Variants in AFAP1 observed in about 807,000 individuals in gnomAD.
AFAP1 encodes actin filament-associated protein 1.
Under a neutral mutation model 93.9 loss-of-function variants are expected in AFAP1, and 75 were observed. The ratio of observed to expected loss-of-function variants is 0.80; its 90% CI spans 0.66 to 0.97. The LOEUF (loss-of-function observed/expected upper bound fraction) is 0.97, where lower values mean the gene tolerates loss of function less well. Among genes scored for constraint, AFAP1 ranks in the 50% least tolerant of loss-of-function variants. AFAP1 has a pLI of 0.00. For synonymous variants in AFAP1, 517 were observed against 430.7 expected, an observed-to-expected ratio of 1.20 and a Z score of -2.48; for missense variants, 1,201 against 1,050.8, an observed-to-expected ratio of 1.14 and a Z score of -1.98.
chr4:7,842,886 A>C, intron 5 of AFAP1: 11 of 469,124 alleles, frequency 2.3e-5, no homozygotes, highest in East Asian at 7.8e-5. Flanking sequence ...CTGCCCGGGA[A>C]TGGGAATGAT....
chr4:7,848,807 A>G (rs1344786196), intron 4 of AFAP1, among the ~76,000 whole-genome samples: 1 of 152,202 alleles, frequency 6.6e-6, no homozygotes. Flanking sequence ...TTCACCAGAA[A>G]CTAGTTTCAT....
rs534925586 is a variant in AFAP1, at chr4:7,907,693, T to C, written c.-3+31963A>G. Reference sequence around the variant, plus strand: ...GCAGCTCAGATTTTGGATTTTTGAATTCAGGATACTCAACCAGCAAGTATA... The same window carrying C: ...GCAGCTCAGATTTTGGATTTTTGAACTCAGGATACTCAACCAGCAAGTATA... On this transcript the variant is annotated intron_variant, in intron 1 of 17. Coordinates refer to ENST00000420658, the MANE Select transcript of AFAP1 (RefSeq NM_001134647.2). Among the ~76,000 whole-genome samples the C allele has an allele frequency of 1.6e-4, 25 of 152,242 alleles. No individual in the cohort carries two copies. In the South Asian group the frequency reaches 5.2e-3, roughly 32 times the overall value.
At chr4:7,811,132 C>T (rs1032162184) in intron 8 of AFAP1, among the ~76,000 whole-genome samples, 2 of 152,176 alleles carry the variant, frequency 1.3e-5, no homozygotes, top group East Asian at 1.9e-4. Flanking sequence ...GCGAGGCGCT[C>T]GGGACACAGC....
At chr4:7,914,527 T>C (rs1204197977) in intron 1 of AFAP1, among the ~76,000 whole-genome samples, 1 of 152,168 alleles carries the variant, frequency 6.6e-6, no homozygotes, top group South Asian at 2.1e-4. Context: ...GACCACATTT[T>C]CTCTATCCAT....
intron 4 of AFAP1, among the ~76,000 whole-genome samples, chr4:7,846,243 G>T (rs1425015455): frequency 2.6e-5 from 4 of 152,212 alleles, no homozygotes; most frequent in Non-Finnish European, 5.9e-5. Context: ...TGGTTACACA[G>T]ATGGCTTCTT....
At position 7,794,899 on chromosome 4, in the gene AFAP1, GATTA is replaced by G. The variant is rs1303123138; in HGVS notation, c.1267-1077_1267-1074del. On this transcript the variant is annotated intron_variant, in intron 10 of 17. Coordinates refer to ENST00000420658, the MANE Select transcript of AFAP1 (RefSeq NM_001134647.2). ...GGTATTTGAAATCTTTAAAAATTTTGATTAATCAAATATGCAAATAATGGTTAAA... is the reference window on the plus strand; with the variant it reads ...GGTATTTGAAATCTTTAAAAATTTTGATCAAATATGCAAATAATGGTTAAA... Among the ~76,000 whole-genome samples the G allele has an allele frequency of 2.6e-5, 4 of 152,032 alleles. No individual in the cohort carries two copies. In the South Asian group the frequency reaches 6.2e-4, roughly 24 times the overall value.
At chr4:7,849,673 C>G (rs1359329819) in intron 4 of AFAP1, among the ~76,000 whole-genome samples, 1 of 152,192 alleles carries the variant, frequency 6.6e-6, no homozygotes, top group Non-Finnish European at 1.5e-5. Context: ...CTAGCGTTTT[C>G]AGACTCACAA....
At chr4:7,831,579 C>T (rs772007859) in intron 6 of AFAP1, among the ~76,000 whole-genome samples, 13 of 152,286 alleles carry the variant, frequency 8.5e-5, no homozygotes, top group Non-Finnish European at 1.8e-4. Flanking sequence ...TGTTTGTCAG[C>T]GCACTGTCGG....
At chr4:7,918,591 G>A (rs1720233551) in intron 1 of AFAP1, among the ~76,000 whole-genome samples, 1 of 142,338 alleles carries the variant, frequency 7.0e-6, no homozygotes, top group Non-Finnish European at 1.5e-5. Flanking sequence ...CCGCAAACAG[G>A]GCTGCCGGAA....
intron 6 of AFAP1, among the ~76,000 whole-genome samples, chr4:7,821,976 G>GCTTCC: frequency 6.6e-6 from 1 of 152,232 alleles, no homozygotes; most frequent in Non-Finnish European, 1.5e-5. Context: ...GTGGAAGCAT[G>GCTTCC]AGCAAACCTG....
chr4:7,922,264 A>G (rs13435730), intron 1 of AFAP1, among the ~76,000 whole-genome samples: 86,120 of 152,158 alleles, frequency 0.57, 26,961 homozygotes, highest in East Asian at 0.83. Flanking sequence ...CAATGTAACT[A>G]TGAAAAAATG....
chr4:7,759,958 T>TG lies in AFAP1; in HGVS notation c.*3806dup, dbSNP rs1350165705. On this transcript the variant is annotated 3_prime_UTR_variant, in exon 18 of 18. Coordinates refer to ENST00000420658, the MANE Select transcript of AFAP1 (RefSeq NM_001134647.2). ...GCATGAACACAGCACCTCACCTGGGTGGCAAAGTCTGTGGGCAAAATTTAC... is the reference window on the plus strand; with the variant it reads ...GCATGAACACAGCACCTCACCTGGGTGGGCAAAGTCTGTGGGCAAAATTTAC... 5.3e-5 allele frequency: 8 copies of TG among 152,256 alleles called. No homozygotes were observed. Among genetic ancestry groups the TG allele is most frequent in the Non-Finnish European group, 1.5e-5 (1 of 68,058 alleles). 9.4% of individuals were successfully genotyped at this position (152,256 alleles called of 1,614,324 possible).
chr4:7,866,868 A>T (rs961272769), intron 3 of AFAP1, among the ~76,000 whole-genome samples: 11 of 104,304 alleles, frequency 1.1e-4, no homozygotes, highest in Admixed American at 2.0e-4. Flanking sequence ...TTTCTCTATT[A>T]AAAAAAAAAA....
intron 1 of AFAP1, among the ~76,000 whole-genome samples, chr4:7,880,574 G>A (rs893230333): frequency 4.6e-5 from 7 of 152,154 alleles, no homozygotes; most frequent in South Asian, 2.1e-4. Flanking sequence ...CACCGCACCC[G>A]GCCCAAATGC....
At chr4:7,844,167 G>A (rs1713392267) in intron 4 of AFAP1, among the ~76,000 whole-genome samples, 1 of 133,098 alleles carries the variant, frequency 7.5e-6, no homozygotes, top group Non-Finnish European at 1.8e-5. Context: ...AAATTCAAGT[G>A]TTGAAGCTCT....
chr4:7,843,106 T>C (rs757292394), intron 5 of AFAP1, 33 bp downstream of exon 5: 4 of 1,606,872 alleles, frequency 2.5e-6, no homozygotes, highest in Non-Finnish European at 3.4e-6. Context: ...GCAGCAATCT[T>C]ACAAAAAATG....
chr4:7,838,792 C>T (rs556681698), intron 5 of AFAP1, 89 bp from the exon 6 acceptor site: 44 of 1,433,940 alleles, frequency 3.1e-5, no homozygotes, highest in Admixed American at 3.1e-4. Context: ...AACCTGAGTG[C>T]GGGCAAGGCA....
intron 1 of AFAP1, among the ~76,000 whole-genome samples, chr4:7,878,726 T>C (rs576967611): frequency 2.7e-3 from 410 of 152,350 alleles, no homozygotes; most frequent in African/African-American, 9.6e-3. Flanking sequence ...CCTTTCAAGA[T>C]AGACACTGTT....
intron 14 of AFAP1, 170 bp from the exon 15 acceptor site, chr4:7,775,073 T>C: frequency 2.6e-6 from 2 of 763,354 alleles, no homozygotes; most frequent in Non-Finnish European, 2.0e-6. Flanking sequence ...CTTGGGAGCT[T>C]GAGGCTGCAG....
Sources: gnomAD v4.1 joint callset for allele counts (sites outside exome capture counted in the v4.1 genomes callset) on GRCh38, gnomAD v4.1.1 for gene constraint, MANE v1.5 for transcripts, NCBI Gene and HGNC (gene_info 2026-07-23, HGNC 2026-07-21) for gene names.